Variants in RIMS2 observed in about 807,000 individuals in gnomAD.
RIMS2 encodes the protein regulating synaptic membrane exocytosis protein 2.
Under a neutral mutation model 174.4 loss-of-function variants are expected in RIMS2, and 59 were observed. That is an observed-to-expected ratio of 0.34 (90% CI 0.27 to 0.42). The LOEUF is 0.42. Ranked by LOEUF, RIMS2 falls within the 10% of genes least tolerant of loss-of-function variation. The pLI is 1.00. For missense variants in RIMS2, 1,620 were observed against 1,666.3 expected, an observed-to-expected ratio of 0.97 and a Z score of 0.48; for synonymous variants, 606 against 572.5, an observed-to-expected ratio of 1.06 and a Z score of -0.84.
chr8:104,071,359 G>A (rs971883660), intron 19 of RIMS2, among the ~76,000 whole-genome samples: 4 of 152,146 alleles, frequency 2.6e-5, no homozygotes, highest in Admixed American at 1.3e-4. Flanking sequence ...ATCACTTGGA[G>A]ACTTTTAGAA....
chr8:103,922,358 C>A (rs960055972), intron 10 of RIMS2, among the ~76,000 whole-genome samples: 4 of 151,876 alleles, frequency 2.6e-5, no homozygotes, highest in Non-Finnish European at 5.9e-5. Flanking sequence ...CTGATTTGAA[C>A]ATTTTAAAAT....
At chr8:103,646,797 C>T (rs528319041) in intron 1 of RIMS2, among the ~76,000 whole-genome samples, 15 of 152,270 alleles carry the variant, frequency 9.9e-5, no homozygotes, top group African/African-American at 2.6e-4. Flanking sequence ...AATTTGACTT[C>T]CTCTCTTCCT....
chr8:103,561,801 C>T (rs1299513555), intron 1 of RIMS2, among the ~76,000 whole-genome samples: 1 of 152,136 alleles, frequency 6.6e-6, no homozygotes, highest in East Asian at 1.9e-4. Context: ...GTGATAAAGA[C>T]ATACCTGAGA....
chr8:103,672,942 C>T (rs142976316), intron 1 of RIMS2, among the ~76,000 whole-genome samples: 11 of 152,320 alleles, frequency 7.2e-5, no homozygotes, highest in African/African-American at 2.6e-4. Flanking sequence ...TATCTACTCC[C>T]ACAGTACAAG....
chr8:103,600,571 C>A (rs2094688430), intron 1 of RIMS2, among the ~76,000 whole-genome samples: 1 of 152,106 alleles, frequency 6.6e-6, no homozygotes. Flanking sequence ...ATGCCTGGCT[C>A]ACATTTTCTT....
chr8:103,751,158 C>G (rs547453278), intron 2 of RIMS2, among the ~76,000 whole-genome samples: 38 of 152,212 alleles, frequency 2.5e-4, no homozygotes, highest in African/African-American at 8.0e-4. Flanking sequence ...TGTAAATTGC[C>G]CCATCTCAGT....
intron 4 of RIMS2, among the ~76,000 whole-genome samples, chr8:103,894,662 A>G (rs568834813): frequency 1.3e-4 from 19 of 151,566 alleles, no homozygotes; most frequent in Non-Finnish European, 2.5e-4. Context: ...CTAACATTGA[A>G]CCCTAATTAA....
chr8:103,857,887 T>C (rs2099036694), intron 3 of RIMS2, among the ~76,000 whole-genome samples: 2 of 152,184 alleles, frequency 1.3e-5, no homozygotes, highest in African/African-American at 4.8e-5. Flanking sequence ...GCCTTGTGAC[T>C]CCATTCTGGA....
intron 1 of RIMS2, among the ~76,000 whole-genome samples, chr8:103,562,958 T>A (rs990223574): frequency 1.3e-5 from 2 of 152,070 alleles, no homozygotes; most frequent in African/African-American, 4.8e-5. Flanking sequence ...CTTGGCCCCT[T>A]TTAGTCAAGG....
intron 3 of RIMS2, among the ~76,000 whole-genome samples, chr8:103,876,401 A>G (rs375971086): frequency 2.6e-5 from 4 of 151,714 alleles, no homozygotes; most frequent in East Asian, 3.9e-4. Context: ...ATCCAAACTT[A>G]TATTTTAAAA....
chr8:104,090,108 G>C (rs901855458), intron 19 of RIMS2, among the ~76,000 whole-genome samples: 3 of 151,320 alleles, frequency 2.0e-5, no homozygotes, highest in African/African-American at 7.3e-5. Flanking sequence ...AATGACAAGA[G>C]GTCATGTGTG....
intron 19 of RIMS2, among the ~76,000 whole-genome samples, chr8:104,037,882 G>C (rs1478775954): frequency 6.6e-6 from 1 of 152,046 alleles, no homozygotes; most frequent in South Asian, 2.1e-4. Flanking sequence ...TATGACAGTG[G>C]TTCCATAACA....
intron 2 of RIMS2, among the ~76,000 whole-genome samples, chr8:103,753,834 T>A (rs569915710): frequency 8.5e-5 from 13 of 152,354 alleles, no homozygotes; most frequent in Middle Eastern, 6.8e-3. Context: ...TCTTTATTAG[T>A]CTTGCTAGTG....
exon 20 of RIMS2, chr8:104,244,921 G>A: frequency 6.2e-7 from 1 of 1,613,394 alleles, no homozygotes. Flanking sequence ...TGCAGAAGCA[G>A]GAGGTAAAAA....
chr8:104,248,807 G>C, exon 21 of RIMS2: 1 of 1,537,916 alleles, frequency 6.5e-7, no homozygotes, highest in Non-Finnish European at 9.0e-7. Flanking sequence ...GGCAACACCT[G>C]CAATGGGTAA....
intron 3 of RIMS2, among the ~76,000 whole-genome samples, chr8:103,802,936 G>A (rs2098623705): frequency 6.6e-6 from 1 of 152,084 alleles, no homozygotes; most frequent in African/African-American, 2.4e-5. Flanking sequence ...AAGGATTCAG[G>A]CATTTAAATT....
intron 1 of RIMS2, among the ~76,000 whole-genome samples, chr8:103,558,381 G>A (rs535593693): frequency 5.3e-5 from 8 of 152,076 alleles, no homozygotes; most frequent in African/African-American, 9.6e-5. Context: ...ACACCACCAC[G>A]CCTGGCTAAT....
intron 1 of RIMS2, among the ~76,000 whole-genome samples, chr8:103,557,444 AG>A: frequency 6.6e-6 from 1 of 152,272 alleles, no homozygotes; most frequent in Admixed American, 6.5e-5. Flanking sequence ...TCCCACTTTT[AG>A]GGAAAAACAC....
intron 19 of RIMS2, among the ~76,000 whole-genome samples, chr8:104,244,538 A>G (rs1190947900): frequency 1.3e-5 from 2 of 152,220 alleles, no homozygotes; most frequent in Admixed American, 6.5e-5. Flanking sequence ...GCAGAAATTA[A>G]TCTGGCATTT....
Sources: allele counts gnomAD v4.1 joint callset (sites outside exome capture counted in the v4.1 genomes callset), GRCh38; gene constraint gnomAD v4.1.1; transcripts MANE v1.5; gene names NCBI Gene and HGNC (gene_info 2026-07-23, HGNC 2026-07-21).